The following SMYD5 variants were observed in gnomAD, a reference collection of about 807,000 sequenced individuals.
The protein encoded by SMYD5 is SMYD family member 5.
In SMYD5, 35 loss-of-function variants were observed where a neutral mutation model predicts 57.4. That is an observed-to-expected ratio of 0.61 (90% CI 0.47 to 0.81). The LOEUF (loss-of-function observed/expected upper bound fraction) is 0.81. Ranked by LOEUF, SMYD5 falls within the 30% of genes least tolerant of loss-of-function variation. The pLI is 0.00. For missense variants in SMYD5, 471 were observed against 527.9 expected, an observed-to-expected ratio of 0.89 and a Z score of 1.06; for synonymous variants, 198 against 189.7, an observed-to-expected ratio of 1.04 and a Z score of -0.36.
At chr2:73,221,972 A>G (rs772179776) in intron 6 of SMYD5, 42 bp downstream of exon 6, 5 of 1,230,126 alleles carry the variant, frequency 4.1e-6, no homozygotes, top group Non-Finnish European at 6.0e-6. Context: ...CTCCCCAAAT[A>G]TCCTAGGATG....
At chr2:73,216,580 C>T (rs1171526140) in intron 1 of SMYD5, among the ~76,000 whole-genome samples, 2 of 152,066 alleles carry the variant, frequency 1.3e-5, no homozygotes, top group African/African-American at 4.8e-5. Flanking sequence ...ACCTGTAATC[C>T]CAGCTACCTG....
chr2:73,225,739 G>C (rs1686488811), intron 12 of SMYD5, 38 bp downstream of exon 12: 1 of 1,613,910 alleles, frequency 6.2e-7, no homozygotes, highest in African/African-American at 1.3e-5. Flanking sequence ...CTGGGCTCTG[G>C]GGTCCTCTAC....
At chr2:73,214,946 A>C in intron 1 of SMYD5, 1 of 528,410 alleles carries the variant, frequency 1.9e-6, no homozygotes, top group Admixed American at 6.4e-5. Flanking sequence ...AAGAAAATAC[A>C]AAAATCACCC....
At position 73,221,239 on chromosome 2, in the gene SMYD5, G is replaced by A. The variant is rs756140378; in HGVS notation, c.537+5G>A. 3 of 1,613,352 alleles carry A rather than the reference G, an allele frequency of 1.9e-6. No homozygotes were observed. Among genetic ancestry groups the A allele is most frequent in the Non-Finnish European group, 2.5e-6 (3 of 1,179,454 alleles). ...ATGGTGGCCACAGTGAAGCAGGTGAGCCCACCCAACCCTCTCGGGGAAGCT... is the reference window on the plus strand; with the variant it reads ...ATGGTGGCCACAGTGAAGCAGGTGAACCCACCCAACCCTCTCGGGGAAGCT... On this transcript the variant is annotated splice_donor_5th_base_variant and intron_variant, in intron 5 of 12. Coordinates refer to ENST00000389501, the MANE Select transcript of SMYD5 (RefSeq NM_006062.3).
At position 73,223,988 on chromosome 2, in the gene SMYD5, G is replaced by T; in HGVS notation, c.925G>T (p.Val309Leu). Residue 309 changes from valine (V) to leucine (L), a missense_variant, in exon 10 of 13, where the codon GTG (valine) becomes TTG (leucine). Transcript: ENST00000389501. ...TAACTGTGAAGGATCTGGCCTCTTT[G>T]TGCTTCAGAGCTGCTGTGAGTCATG... ...FLNCEGSGLF[V>L]LQSCCNHSCV... 1 of 1,614,168 alleles carries T rather than the reference G, an allele frequency of 6.2e-7. No homozygotes were observed. Among genetic ancestry groups the T allele is most frequent in the Non-Finnish European group, 8.5e-7 (1 of 1,180,010 alleles).
intron 1 of SMYD5, among the ~76,000 whole-genome samples, chr2:73,216,958 CT>C (rs34154940): frequency 1.6e-4 from 23 of 146,542 alleles, no homozygotes; most frequent in Admixed American, 2.7e-4. Flanking sequence ...CTCCAACCTT[CT>C]TTTTTTTTTT....
intron 9 of SMYD5, 120 bp downstream of exon 9, chr2:73,223,652 G>A (rs1050684564): frequency 5.3e-6 from 4 of 754,330 alleles, no homozygotes; most frequent in South Asian, 3.2e-5. Flanking sequence ...ATCCCTTTGT[G>A]CCTGTGGGGA....
At chr2:73,214,978 G>A (rs963409590) in intron 1 of SMYD5, 2 of 287,586 alleles carry the variant, frequency 7.0e-6, no homozygotes, top group African/African-American at 4.6e-5. Context: ...CTTGTGCAAA[G>A]ATGAGTACGT....
chr2:73,218,783 C>T, intron 1 of SMYD5, 78 bp from the exon 2 acceptor site: 1 of 1,050,542 alleles, frequency 9.5e-7, no homozygotes, highest in Non-Finnish European at 1.5e-6. Flanking sequence ...GGGAGTGAGG[C>T]TGGACAGCCT....
intron 11 of SMYD5, chr2:73,225,219 T>C: frequency 2.0e-6 from 1 of 494,048 alleles, no homozygotes; most frequent in Non-Finnish European, 3.6e-6. Context: ...CAGCTATCTT[T>C]TGGTCAAATG....
chr2:73,220,121 C>A lies in SMYD5; in HGVS notation c.276C>A (p.Gly92=), dbSNP rs371963515. 16 of 1,614,112 alleles carry A rather than the reference C, an allele frequency of 9.9e-6. No homozygotes were observed. Among genetic ancestry groups the A allele is most frequent in the African/African-American group, 1.3e-5 (1 of 75,040 alleles). ...ENAQRLTGKP[G]QVLPHPELCT... ...CCCAGAGGCTGACCGGGAAACCAGG[C>A]CAGGTTCTGCCTCACCCAGAGCTGT... The change falls in exon 3 of 13, where the codon GGC becomes GGA. Residue 92 remains glycine (G), a synonymous_variant. Coordinates refer to ENST00000389501, the MANE Select transcript of SMYD5 (RefSeq NM_006062.3).
In SMYD5 at chr2:73,222,796, C is replaced by T. The variant is rs931687000; in HGVS notation, c.684C>T (p.Leu228=). Residue 228 remains leucine (L), a synonymous_variant, in exon 7 of 13, where the codon CTC becomes CTT. Coordinates refer to ENST00000389501, the MANE Select transcript of SMYD5 (RefSeq NM_006062.3). ...TGCGGAGACTCTTCACAGAGGCCCT[C>T]TATGAGGAAGCAGTCAGCCAGGTGA... ...ELLRRLFTEA[L]YEEAVSQWFT... 2.5e-6 allele frequency: 4 copies of T among 1,613,872 alleles called. No individual in the cohort carries two copies. Among genetic ancestry groups the T allele is most frequent in the Admixed American group, 1.7e-5 (1 of 59,972 alleles).
In SMYD5 at chr2:73,220,775, G is replaced by T; in HGVS notation, c.460G>T (p.Ala154Ser). The T allele has an allele frequency of 6.2e-7, 1 of 1,613,902 alleles. No individual in the cohort carries two copies. Among genetic ancestry groups the T allele is most frequent in the Non-Finnish European group, 8.5e-7 (1 of 1,179,982 alleles). ...GCATCCTCTCAATAAGCTTCAGGAG[G>T]CATGGAGGTAGGTTTCTTTTCCTCT... ...PLHPLNKLQE[A>S]WRSIHYPPET... The change falls in exon 4 of 13, where the codon GCA (alanine) becomes TCA (serine). Residue 154 changes from alanine to serine, a missense_variant. Coordinates refer to ENST00000389501, the MANE Select transcript of SMYD5 (RefSeq NM_006062.3).
intron 1 of SMYD5, among the ~76,000 whole-genome samples, chr2:73,217,836 A>G (rs1366658166): frequency 6.6e-6 from 1 of 152,238 alleles, no homozygotes; most frequent in Non-Finnish European, 1.5e-5. Flanking sequence ...TATGTGCCCA[A>G]TAAGGCCAGT....
At chr2:73,220,279 G>A in intron 3 of SMYD5, 89 bp downstream of exon 3, 2 of 1,439,772 alleles carry the variant, frequency 1.4e-6, no homozygotes, top group Non-Finnish European at 9.6e-7. Context: ...AGCAGCGACA[G>A]ACCTGGTCAT....
At chr2:73,220,932 C>T (rs1352991701) in intron 4 of SMYD5, 150 bp downstream of exon 4, 9 of 958,102 alleles carry the variant, frequency 9.4e-6, no homozygotes, top group African/African-American at 8.3e-5. Context: ...AACCCTATCC[C>T]CTGCTTTTAA....
chr2:73,224,878 G>A lies in SMYD5; in HGVS notation c.953G>A (p.Cys318Tyr). Residue 318 changes from cysteine (C) to tyrosine (Y), a missense_variant, in exon 11 of 13, where the codon TGT becomes TAT. Transcript: ENST00000389501. ...FVLQSCCNHSCVPNAETSFPE... is the reference protein window; with the variant it reads ...FVLQSCCNHSYVPNAETSFPE... ...TCTTATGATCCAGGCAACCACAGTT[G>A]TGTGCCCAATGCAGAGACCTCCTTT... The A allele has an allele frequency of 6.2e-7, 1 of 1,613,582 alleles. No individual in the cohort carries two copies. The highest frequency in any genetic ancestry group is 8.5e-7 in the Non-Finnish European group (1 of 1,179,586).
rs1220564291 is a variant in SMYD5 at position 73,226,428 on chromosome 2, G to C, written c.*482G>C. 6.4e-6 allele frequency: 1 copy of C among 155,424 alleles called. No individual in the cohort carries two copies. The highest frequency in any genetic ancestry group is 2.4e-5 in the African/African-American group (1 of 41,458). The allele number at this position is 155,424 out of a possible 1,614,324, so 9.6% of individuals were successfully genotyped here. On this transcript the variant is annotated 3_prime_UTR_variant, in exon 13 of 13. Coordinates refer to ENST00000389501, the MANE Select transcript of SMYD5 (RefSeq NM_006062.3). ...CCCCACCACAGCTGTGGCTGGTAAG[G>C]CAACTGCTTGACCACTGGCCCAGCA...
In SMYD5 at chr2:73,226,145, G is replaced by C; in HGVS notation, c.*199G>C. 1.4e-6 allele frequency: 1 copy of C among 711,954 alleles called. No homozygotes were observed. Among genetic ancestry groups the C allele is most frequent in the Non-Finnish European group, 2.3e-6 (1 of 442,638 alleles). The allele number at this position is 711,954 out of a possible 1,614,324, so 44.1% of individuals were successfully genotyped here. A position where few individuals can be genotyped will look rare whatever the true frequency, so the allele number is the denominator to read the frequency against. On this transcript the variant is annotated 3_prime_UTR_variant, in exon 13 of 13. Transcript: ENST00000389501. ...ACCTCATGCCCTGGACACTGCTGCTGAGTTGGCTCAGACTCTGCACTGGCA... is the reference window on the plus strand; with the variant it reads ...ACCTCATGCCCTGGACACTGCTGCTCAGTTGGCTCAGACTCTGCACTGGCA...
Sources: gnomAD v4.1 joint callset for allele counts (sites outside exome capture counted in the v4.1 genomes callset) on GRCh38, gnomAD v4.1.1 for gene constraint, MANE v1.5 for transcripts, NCBI Gene and HGNC (gene_info 2026-07-23, HGNC 2026-07-21) for gene names.